The following GABRB3 variants were observed in gnomAD, a reference collection of about 807,000 sequenced individuals.
The protein encoded by GABRB3 is gamma-aminobutyric acid receptor subunit beta-3.
Under a neutral mutation model 52.1 loss-of-function variants are expected in GABRB3, and 14 were observed. That is an observed-to-expected ratio of 0.27 (90% CI 0.18 to 0.42). The LOEUF is 0.42. Ranked by LOEUF, GABRB3 falls within the 10% of genes least tolerant of loss-of-function variation. The pLI is 1.00. For missense variants in GABRB3, 307 were observed against 609.1 expected (o/e 0.50, Z 5.22); for synonymous variants, 260 against 232.3 (o/e 1.12, Z -1.08).
intron 3 of GABRB3, among the ~76,000 whole-genome samples, chr15:26,771,467 T>C (rs1246357669): frequency 6.6e-6 from 1 of 152,174 alleles, no homozygotes; most frequent in African/African-American, 2.4e-5. Flanking sequence ...GAAAGAAAAG[T>C]TGCCAAACAA....
At chr15:26,665,680 G>A (rs1364864755) in intron 3 of GABRB3, among the ~76,000 whole-genome samples, 5 of 152,118 alleles carry the variant, frequency 3.3e-5, no homozygotes, top group Non-Finnish European at 7.3e-5. Context: ...GGGCACTCCC[G>A]ACAAGTCATT....
chr15:26,736,067 G>C (rs1239394675), intron 3 of GABRB3, among the ~76,000 whole-genome samples: 2 of 152,158 alleles, frequency 1.3e-5, no homozygotes, highest in African/African-American at 4.8e-5. Flanking sequence ...ATGGCTGCTA[G>C]GGACTGAGGG....
intron 3 of GABRB3, among the ~76,000 whole-genome samples, chr15:26,674,202 G>C (rs1310742307): frequency 6.6e-6 from 1 of 151,564 alleles, no homozygotes; most frequent in Admixed American, 6.6e-5. Flanking sequence ...AGTAGTTTGA[G>C]ACCAGCCTGG....
intron 3 of GABRB3, among the ~76,000 whole-genome samples, chr15:26,757,949 AC>A (rs1431825902): frequency 6.6e-6 from 1 of 152,192 alleles, no homozygotes; most frequent in African/African-American, 2.4e-5. Context: ...CCAGTCCCTT[AC>A]AAGCCCTCTT....
chr15:26,599,345 A>C (rs907410775), intron 4 of GABRB3, among the ~76,000 whole-genome samples: 5 of 152,298 alleles, frequency 3.3e-5, no homozygotes, highest in African/African-American at 1.2e-4. Flanking sequence ...CTCAACAAAA[A>C]GGTGATTCCA....
intron 3 of GABRB3, among the ~76,000 whole-genome samples, chr15:26,682,162 C>G (rs554407370): frequency 6.6e-6 from 1 of 152,106 alleles, no homozygotes; most frequent in African/African-American, 2.4e-5. Flanking sequence ...CATTTCTCAA[C>G]GGTGCCGCGA....
At chr15:26,773,219 C>T (rs897943494), upstream of GABRB3, 3 of 176,234 alleles carry the variant, frequency 1.7e-5, no homozygotes, top group South Asian at 1.8e-4. Context: ...GCCGCGCACC[C>T]TGCCCTCCCC....
intron 6 of GABRB3, among the ~76,000 whole-genome samples, chr15:26,572,328 T>A (rs1890437873): frequency 6.6e-6 from 1 of 152,222 alleles, no homozygotes; most frequent in African/African-American, 2.4e-5. Context: ...AGGAGAGGTT[T>A]CACATTGTAT....
intron 6 of GABRB3, among the ~76,000 whole-genome samples, chr15:26,576,563 T>C (rs1890600831): frequency 6.6e-6 from 1 of 152,144 alleles, no homozygotes; most frequent in African/African-American, 2.4e-5. Flanking sequence ...ATAAATCTGC[T>C]TGAGGATTTA....
chr15:26,671,415 G>A (rs897261400), intron 3 of GABRB3, among the ~76,000 whole-genome samples: 1 of 152,124 alleles, frequency 6.6e-6, no homozygotes, highest in Non-Finnish European at 1.5e-5. Context: ...CAGTTGTGCC[G>A]GAAGGACAAG....
intron 4 of GABRB3, chr15:26,615,234 A>G (rs1284402028): frequency 1.1e-6 from 1 of 951,702 alleles, no homozygotes; most frequent in Non-Finnish European, 1.3e-6. Context: ...ACAAAGGACC[A>G]TTAGTCTCTT....
At chr15:26,554,870 G>A (rs556090540) in intron 8 of GABRB3, among the ~76,000 whole-genome samples, 1 of 152,222 alleles carries the variant, frequency 6.6e-6, no homozygotes, top group South Asian at 2.1e-4. Flanking sequence ...CAGATAAGTG[G>A]TAGGCAAAAA....
At chr15:26,554,781 G>A (rs1889691607) in intron 8 of GABRB3, among the ~76,000 whole-genome samples, 1 of 152,206 alleles carries the variant, frequency 6.6e-6, no homozygotes, top group Non-Finnish European at 1.5e-5. Flanking sequence ...ATTTTCACAA[G>A]TATAAAGCAT....
chr15:26,627,372 T>G (rs1892742428), intron 3 of GABRB3, among the ~76,000 whole-genome samples: 1 of 147,792 alleles, frequency 6.8e-6, no homozygotes, highest in Admixed American at 6.9e-5. Context: ...CTTTCAAGTT[T>G]TATTATTTAA....
At chr15:26,598,539 A>T (rs930238486) in intron 4 of GABRB3, among the ~76,000 whole-genome samples, 2 of 152,160 alleles carry the variant, frequency 1.3e-5, no homozygotes, top group African/African-American at 4.8e-5. Context: ...TTGAAATCCA[A>T]ATTAGAAGAG....
At chr15:26,744,572 C>T (rs1439346363) in intron 3 of GABRB3, among the ~76,000 whole-genome samples, 2 of 151,982 alleles carry the variant, frequency 1.3e-5, no homozygotes, top group Non-Finnish European at 2.9e-5. Context: ...ATTACAGATG[C>T]CTGCCACCAT....
intron 3 of GABRB3, among the ~76,000 whole-genome samples, chr15:26,765,603 C>T (rs1461725281): frequency 6.6e-6 from 1 of 152,106 alleles, no homozygotes; most frequent in East Asian, 1.9e-4. Context: ...TTCATATATT[C>T]CTTTCCACAA....
At chr15:26,578,869 G>A (rs952350723) in intron 6 of GABRB3, among the ~76,000 whole-genome samples, 2 of 152,148 alleles carry the variant, frequency 1.3e-5, no homozygotes, top group Admixed American at 6.5e-5. Context: ...AACGTTCTTG[G>A]TTGTGGACAC....
At chr15:26,604,691 C>T (rs1205080770) in intron 4 of GABRB3, among the ~76,000 whole-genome samples, 1 of 151,884 alleles carries the variant, frequency 6.6e-6, no homozygotes, top group Non-Finnish European at 1.5e-5. Context: ...AATGTATGGT[C>T]CTGGGAAAAC....
Sources: gnomAD v4.1 joint callset for allele counts (sites outside exome capture counted in the v4.1 genomes callset) on GRCh38, gnomAD v4.1.1 for gene constraint, MANE v1.5 for transcripts, NCBI Gene and HGNC (gene_info 2026-07-23, HGNC 2026-07-21) for gene names.